Variants in SMARCA2 observed in about 807,000 individuals in gnomAD.
The protein encoded by SMARCA2 is SWI/SNF-related matrix-associated actin-dependent regulator of chromatin subfamily A member 2.
In SMARCA2, 61 loss-of-function variants were observed where a neutral mutation model predicts 199.8. The observed-to-expected ratio is 0.31, with a 90% confidence interval of 0.25 to 0.38. The LOEUF (loss-of-function observed/expected upper bound fraction) is 0.38, where lower values mean the gene tolerates loss of function less well. Among genes scored for constraint, SMARCA2 ranks in the 10% least tolerant of loss-of-function variants. SMARCA2 has a pLI of 1.00. For synonymous variants in SMARCA2, 935 were observed against 732.0 expected, an observed-to-expected ratio of 1.28 and a Z score of -4.48; for missense variants, 1,344 against 2,012.2, an observed-to-expected ratio of 0.67 and a Z score of 6.35.
chr9:2,122,237 G>T (rs762053532), intron 26 of SMARCA2, among the ~76,000 whole-genome samples: 1 of 152,134 alleles, frequency 6.6e-6, no homozygotes, highest in Non-Finnish European at 1.5e-5. Flanking sequence ...ATACCTCAAA[G>T]ACTATTTTTT....
intron 9 of SMARCA2, among the ~76,000 whole-genome samples, chr9:2,063,953 C>T (rs1309591663): frequency 1.3e-5 from 2 of 151,984 alleles, no homozygotes; most frequent in African/African-American, 4.8e-5. Flanking sequence ...CCATTAAAGC[C>T]CTTGAAATGG....
chr9:2,170,157 A>T lies in SMARCA2; in HGVS notation c.4200-262A>T, dbSNP rs913825902. Reference sequence around the variant, plus strand: ...ACAGTGAATGGAACATGTAAGAGGGAACAGGGTAACAGGAATTTCTGTGTG... The same window carrying T: ...ACAGTGAATGGAACATGTAAGAGGGTACAGGGTAACAGGAATTTCTGTGTG... On this transcript the variant is annotated intron_variant, in intron 28 of 33. Coordinates refer to ENST00000349721, the MANE Select transcript of SMARCA2 (RefSeq NM_003070.5). The surrounding 1 kb of genome is among the most constrained non-coding windows in gnomAD (Gnocchi z 4.7). Among the ~76,000 whole-genome samples, 1 of 152,200 alleles carries T rather than the reference A, an allele frequency of 6.6e-6. No individual in the cohort carries two copies. Among genetic ancestry groups the T allele is most frequent in the Non-Finnish European group, 1.5e-5 (1 of 68,042 alleles).
At chr9:2,066,971 C>T (rs1198303761) in intron 9 of SMARCA2, among the ~76,000 whole-genome samples, 2 of 152,140 alleles carry the variant, frequency 1.3e-5, no homozygotes, top group East Asian at 3.8e-4. Flanking sequence ...TGAGACACAG[C>T]ATGAAGTTGA....
At position 2,049,909 on chromosome 9, in the gene SMARCA2, A is replaced by G. The variant is rs7860275; in HGVS notation, c.1046+2425A>G. Reference sequence around the variant, plus strand: ...CATCTTTATCATCCGATCAAAGATTAGAGAGGGGTCTAAAAAACCTCTTTT... The same window carrying G: ...CATCTTTATCATCCGATCAAAGATTGGAGAGGGGTCTAAAAAACCTCTTTT... On this transcript the variant is annotated intron_variant, in intron 5 of 33. Coordinates refer to ENST00000349721, the MANE Select transcript of SMARCA2 (RefSeq NM_003070.5). Among the ~76,000 whole-genome samples, 1,009 of 152,364 alleles carry G rather than the reference A, an allele frequency of 6.6e-3. 16 individuals carry two copies. The highest frequency in any genetic ancestry group is 0.024 in the African/African-American group (982 of 41,580).
intron 26 of SMARCA2, among the ~76,000 whole-genome samples, chr9:2,120,422 T>C (rs371221998): frequency 6.6e-6 from 1 of 152,256 alleles, no homozygotes. Flanking sequence ...AAATGACAAA[T>C]TTTCAAGGGG....
At position 2,169,127 on chromosome 9, in the gene SMARCA2, T is replaced by A. The variant is rs111669759; in HGVS notation, c.4200-1292T>A. On this transcript the variant is annotated intron_variant, in intron 28 of 33. Transcript: ENST00000349721. This position sits in a 1 kb window ranked among gnomAD's most constrained non-coding sequence, Gnocchi z 6.5. ...CTTATTGCTGACACTCAGAGTCCCC[T>A]CAACCTGCTCCTAATTGTCCCTACA... 1.3e-5 allele frequency among the ~76,000 whole-genome samples: 2 copies of A among 152,238 alleles called. No individual in the cohort carries two copies. The highest frequency in any genetic ancestry group is 4.8e-5 in the African/African-American group (2 of 41,548).
At position 2,123,664 on chromosome 9, in the gene SMARCA2, G is replaced by C. The variant is rs937775654; in HGVS notation, c.3763-55G>C. On this transcript the variant is annotated intron_variant, in intron 26 of 33. Transcript: ENST00000349721. This position sits in a 1 kb window ranked among gnomAD's most constrained non-coding sequence, Gnocchi z 4.1. ...TGGGGAAGTTGTGTAGTGCTGGGAA[G>C]TCTGCACCATACAGAAGCCCTGACT... The C allele has an allele frequency of 3.4e-6, 5 of 1,484,792 alleles. No homozygotes were observed. Among genetic ancestry groups the C allele is most frequent in the Non-Finnish European group, 4.7e-6 (5 of 1,068,084 alleles). 92.0% of individuals were successfully genotyped at this position (1,484,792 alleles called of 1,614,324 possible). A position where few individuals can be genotyped will look rare whatever the true frequency, so the allele number is the denominator to read the frequency against.
rs747819047 is a variant in SMARCA2, at chr9:2,081,966, T to C, written c.2319T>C (p.Asn773=). Residue 773 remains asparagine (N), a synonymous_variant, in exon 15 of 34, where the codon AAT becomes AAC. Coordinates refer to ENST00000349721, the MANE Select transcript of SMARCA2 (RefSeq NM_003070.5). ...ITYLMEHKRL[N]GPYLIIVPLS... is the part of the protein sequence containing the mutation. ...ATCTGATGGAGCACAAAAGACTCAATGGCCCCTATCTCATCATTGTTCCCC... is the reference window on the plus strand; with the variant it reads ...ATCTGATGGAGCACAAAAGACTCAACGGCCCCTATCTCATCATTGTTCCCC... 3.7e-6 allele frequency: 6 copies of C among 1,614,018 alleles called. No homozygotes were observed. In the South Asian group the frequency reaches 5.5e-5, roughly 15 times the overall value.
intron 27 of SMARCA2, among the ~76,000 whole-genome samples, chr9:2,138,619 G>A (rs1268157751): frequency 6.6e-6 from 1 of 152,140 alleles, no homozygotes; most frequent in African/African-American, 2.4e-5. Context: ...ATGAAAGATG[G>A]GCTCAGGTGT....
intron 3 of SMARCA2, 90 bp downstream of exon 3, chr9:2,033,171 TG>T: frequency 3.4e-6 from 5 of 1,469,014 alleles, no homozygotes; most frequent in Non-Finnish European, 4.7e-6. Flanking sequence ...TTCCAAAGAA[TG>T]TGTCTAAGGA....
intron 18 of SMARCA2, 28 bp from the exon 19 acceptor site, chr9:2,088,472 T>A: frequency 6.4e-7 from 1 of 1,554,320 alleles, no homozygotes. Flanking sequence ...CTTTAAAAAA[T>A]CAAATTCATA....
At chr9:2,015,951 C>G (rs577976386) in intron 1 of SMARCA2, 2 of 152,346 alleles carry the variant, frequency 1.3e-5, no homozygotes, top group Non-Finnish European at 2.9e-5. Context: ...CAACCCTCCC[C>G]GGAAGAGTTG....
chr9:2,117,376 C>A (rs1823259378), intron 25 of SMARCA2, among the ~76,000 whole-genome samples: 1 of 152,196 alleles, frequency 6.6e-6, no homozygotes, highest in Admixed American at 6.5e-5. Context: ...TGCACATGCA[C>A]TCACTATCCA....
rs370779896 is a variant in SMARCA2, at chr9:2,108,498, G to A, written c.3293-1756G>A. Reference sequence around the variant, plus strand: ...TCATTTTCAGTTAATCAAAACTGTTGAACTTCTATCCTGAGAGTATAGATG... The same window carrying A: ...TCATTTTCAGTTAATCAAAACTGTTAAACTTCTATCCTGAGAGTATAGATG... On this transcript the variant is annotated intron_variant, in intron 23 of 33. Transcript: ENST00000349721. Among the ~76,000 whole-genome samples the A allele has an allele frequency of 2.8e-4, 43 of 152,292 alleles. 1 individual carries two copies. The East Asian group carries it at 6.6e-3, about 23-fold the overall frequency.
At chr9:2,027,907 G>C (rs943436374) in intron 1 of SMARCA2, 1 of 152,214 alleles carries the variant, frequency 6.6e-6, no homozygotes, top group Non-Finnish European at 1.5e-5. Context: ...GTGGAATTCA[G>C]CTATCTTGCC....
intron 27 of SMARCA2, among the ~76,000 whole-genome samples, chr9:2,151,793 A>G (rs1426185859): frequency 1.3e-5 from 2 of 151,122 alleles, no homozygotes; most frequent in African/African-American, 4.9e-5. Context: ...TCCAATGAAT[A>G]TAAAAAAAAC....
In SMARCA2 at chr9:2,022,089, C is replaced by T. The variant is rs970921385; in HGVS notation, c.-37+6685C>T. 10 of 151,412 alleles carry T rather than the reference C, an allele frequency of 6.6e-5. 1 individual carries two copies. The highest frequency in any genetic ancestry group is 2.0e-4 in the African/African-American group (8 of 40,762). 9.4% of individuals were successfully genotyped at this position (151,412 alleles called of 1,614,324 possible). A position where few individuals can be genotyped will look rare whatever the true frequency, so the allele number is the denominator to read the frequency against. On this transcript the variant is annotated intron_variant, in intron 1 of 33. Coordinates refer to ENST00000349721, the MANE Select transcript of SMARCA2 (RefSeq NM_003070.5). Reference sequence around the variant, plus strand: ...GGGGAGAATTTTCAGAAGATAAAGTCGGAGATTGTGGAAAGACTTGACTTG... The same window carrying T: ...GGGGAGAATTTTCAGAAGATAAAGTTGGAGATTGTGGAAAGACTTGACTTG...
intron 3 of SMARCA2, among the ~76,000 whole-genome samples, chr9:2,036,402 A>G (rs1308458892): frequency 6.6e-6 from 1 of 152,200 alleles, no homozygotes; most frequent in Non-Finnish European, 1.5e-5. Context: ...CAAAAAGAGC[A>G]GAATCTGCAT....
chr9:2,034,043 G>A (rs775941536), intron 3 of SMARCA2, among the ~76,000 whole-genome samples: 3 of 151,862 alleles, frequency 2.0e-5, no homozygotes, highest in South Asian at 2.1e-4. Flanking sequence ...TCAAGAGATC[G>A]AGACCATCCT....
Sources: gnomAD v4.1 joint callset for allele counts (sites outside exome capture counted in the v4.1 genomes callset) on GRCh38, gnomAD v4.1.1 for gene constraint, Gnocchi (gnomAD v3.1) non-coding constraint, MANE v1.5 for transcripts, NCBI Gene and HGNC (gene_info 2026-07-23, HGNC 2026-07-21) for gene names.